FIGLA: variants seen among roughly 807,000 people sequenced by gnomAD.
FIGLA encodes factor in the germline alpha.
FIGLA carries 17 observed loss-of-function variants against 21.5 expected under a neutral mutation model. The ratio of observed to expected loss-of-function variants is 0.79; its 90% CI spans 0.54 to 1.19. The LOEUF is 1.19. Among genes scored for constraint, FIGLA ranks in the 50% most tolerant of loss-of-function variants. FIGLA has a pLI of 0.00. For synonymous variants in FIGLA, 129 were observed against 117.6 expected, an observed-to-expected ratio of 1.10 and a Z score of -0.63; for missense variants, 282 against 285.0, an observed-to-expected ratio of 0.99 and a Z score of 0.08.
rs1676044276 is a variant in FIGLA, at chr2:70,790,595, G to GGCGGC, written c.39_43dup (p.Pro15ArgfsTer66). ...GGCTTGCGGGGTGCCCAGGAGCGCG[G>GGCGGC]GCGGCGCGGCGCGGGGATCTAGGAC... On this transcript the variant is annotated frameshift_variant, in exon 1 of 5. Transcript: ENST00000332372. LOFTEE classifies it high-confidence loss of function. 2 of 1,477,214 alleles carry GGCGGC rather than the reference G, an allele frequency of 1.4e-6. No individual in the cohort carries two copies. Among genetic ancestry groups the GGCGGC allele is most frequent in the Non-Finnish European group, 8.9e-7 (1 of 1,120,408 alleles). The allele number at this position is 1,477,214 out of a possible 1,614,324, so 91.5% of individuals were successfully genotyped here. A position where few individuals can be genotyped will look rare whatever the true frequency, so the allele number is the denominator to read the frequency against.
chr2:70,786,986 C>T (rs1675967653), intron 2 of FIGLA, among the ~76,000 whole-genome samples: 1 of 152,200 alleles, frequency 6.6e-6, no homozygotes, highest in African/African-American at 2.4e-5. Context: ...TTCAGCCCAT[C>T]AATGTTTGCC....
intron 3 of FIGLA, among the ~76,000 whole-genome samples, chr2:70,782,527 G>A (rs2104598252): frequency 6.6e-6 from 1 of 152,348 alleles, no homozygotes; most frequent in South Asian, 2.1e-4. Context: ...ACATTATTGA[G>A]ACTACTGGTG....
At chr2:70,783,632 C>T (rs1361939924) in intron 3 of FIGLA, among the ~76,000 whole-genome samples, 5 of 152,166 alleles carry the variant, frequency 3.3e-5, no homozygotes, top group African/African-American at 1.2e-4. Flanking sequence ...AAGATTTTCA[C>T]CTTGATACTA....
chr2:70,790,243 G>A (rs1676035754), intron 1 of FIGLA, among the ~76,000 whole-genome samples, 165 bp downstream of exon 1: 1 of 152,236 alleles, frequency 6.6e-6, no homozygotes, highest in African/African-American at 2.4e-5. Context: ...GCAGAAGAAG[G>A]AGGCCACTGC....
chr2:70,779,819 T>C (rs1009650858), intron 3 of FIGLA, among the ~76,000 whole-genome samples: 8 of 152,168 alleles, frequency 5.3e-5, no homozygotes, highest in African/African-American at 1.9e-4. Flanking sequence ...ACAGTGTCAC[T>C]GGCAACTCTG....
intron 1 of FIGLA, among the ~76,000 whole-genome samples, chr2:70,789,618 A>G (rs535238857): frequency 6.6e-6 from 1 of 152,294 alleles, no homozygotes; most frequent in South Asian, 2.1e-4. Context: ...CCCCAGTCCC[A>G]GTCCTGAACG....
intron 3 of FIGLA, among the ~76,000 whole-genome samples, chr2:70,783,694 C>T (rs1054122368): frequency 2.0e-5 from 3 of 149,680 alleles, no homozygotes; most frequent in Non-Finnish European, 3.0e-5. Context: ...AGGTCTAGCT[C>T]AGGTCATTTT....
intron 2 of FIGLA, among the ~76,000 whole-genome samples, chr2:70,786,317 T>TG (rs1160581967): frequency 5.7e-4 from 84 of 147,266 alleles, no homozygotes; most frequent in East Asian, 2.0e-3. Context: ...TTCTTTTTTT[T>TG]GGGGGGGGAC....
rs1676027628 is a variant in FIGLA at position 70,789,941 on chromosome 2, G to GC, written c.231+466dup. Among the ~76,000 whole-genome samples the GC allele has an allele frequency of 2.6e-5, 4 of 152,236 alleles. No homozygotes were observed. In the South Asian group the frequency reaches 8.3e-4, roughly 32 times the overall value. ...AAAAAAGAAAAGTCACTTCCGTCAG[G>GC]CCCCCCTTTCTCCTCACCCTCGTGT... On this transcript the variant is annotated intron_variant, in intron 1 of 4. Transcript: ENST00000332372.
intron 3 of FIGLA, among the ~76,000 whole-genome samples, chr2:70,783,333 T>C (rs573187168): frequency 2.0e-5 from 3 of 152,330 alleles, no homozygotes; most frequent in African/African-American, 7.2e-5. Flanking sequence ...TTGAAGGAAA[T>C]TCCAGTCAGA....
At chr2:70,787,605 TAATA>T (rs1553390203) in intron 2 of FIGLA, 40 bp downstream of exon 2, 7 of 1,534,436 alleles carry the variant, frequency 4.6e-6, no homozygotes, top group Non-Finnish European at 6.2e-6. Flanking sequence ...AGAAAAGGCC[TAATA>T]AATGGTGGCT....
chr2:70,790,313 G>A (rs1376738194), intron 1 of FIGLA, 95 bp downstream of exon 1: 2 of 1,327,758 alleles, frequency 1.5e-6, no homozygotes, highest in African/African-American at 1.5e-5. Context: ...GCCTCGAGCG[G>A]GGGTGGGCGG....
chr2:70,789,077 C>T (rs1553390458), intron 1 of FIGLA, among the ~76,000 whole-genome samples: 2 of 151,870 alleles, frequency 1.3e-5, no homozygotes, highest in African/African-American at 4.8e-5. Context: ...TGAAAGAATA[C>T]TTAAGAATAT....
intron 3 of FIGLA, among the ~76,000 whole-genome samples, chr2:70,779,117 G>A (rs568207199): frequency 5.5e-4 from 84 of 152,282 alleles, no homozygotes; most frequent in African/African-American, 1.1e-3. Context: ...TGCAGTCGCC[G>A]GAGCAGCTTT....
At position 70,777,668 on chromosome 2, in the gene FIGLA, T is replaced by G; in HGVS notation, c.613A>C (p.Arg205=). The part of the protein sequence containing the change: ...EIISPTRSLD[R]FPEVELLSHR... ...CTCAGCAGTTCTACTTCTGGGAATC[T>G]ATCCTGCAAAAACAATACAAAATAC... is the stretch of plus-strand genomic sequence containing the variant. The change falls in exon 4 of 5, where the codon AGA becomes CGA. Residue 205 remains arginine (R), a synonymous_variant. Coordinates refer to ENST00000332372, the MANE Select transcript of FIGLA (RefSeq NM_001004311.3). 6.8e-7 allele frequency: 1 copy of G among 1,461,670 alleles called. No individual in the cohort carries two copies. Among genetic ancestry groups the G allele is most frequent in the Non-Finnish European group, 9.6e-7 (1 of 1,045,896 alleles). The allele number at this position is 1,461,670 out of a possible 1,614,324, so 90.5% of individuals were successfully genotyped here. A position where few individuals can be genotyped will look rare whatever the true frequency, so the allele number is the denominator to read the frequency against.
chr2:70,785,120 A>C (rs537773900), intron 3 of FIGLA, among the ~76,000 whole-genome samples: 1 of 152,228 alleles, frequency 6.6e-6, no homozygotes, highest in African/African-American at 2.4e-5. Context: ...ATCATTTAAA[A>C]GATAAACTTA....
intron 3 of FIGLA, among the ~76,000 whole-genome samples, chr2:70,783,309 T>G (rs1204150503): frequency 6.6e-6 from 1 of 152,214 alleles, no homozygotes; most frequent in Non-Finnish European, 1.5e-5. Flanking sequence ...ATATTAAGTG[T>G]TTTACTCCCT....
At chr2:70,787,227 T>C (rs1675972414) in intron 2 of FIGLA, among the ~76,000 whole-genome samples, 3 of 152,198 alleles carry the variant, frequency 2.0e-5, no homozygotes, top group Admixed American at 1.3e-4. Context: ...AGAGGTTCCT[T>C]GGGGAAAAGA....
At chr2:70,779,973 A>G (rs1675825691) in intron 3 of FIGLA, among the ~76,000 whole-genome samples, 1 of 152,180 alleles carries the variant, frequency 6.6e-6, no homozygotes, top group Admixed American at 6.5e-5. Context: ...TACACTTTGA[A>G]GCTCTAATTT....
Sources: allele counts gnomAD v4.1 joint callset (sites outside exome capture counted in the v4.1 genomes callset), GRCh38; gene constraint gnomAD v4.1.1; transcripts MANE v1.5; gene names NCBI Gene and HGNC (gene_info 2026-07-23, HGNC 2026-07-21).